Variants in MTARC1 observed in about 807,000 individuals in gnomAD.
The protein encoded by MTARC1 is mitochondrial amidoxime-reducing component 1.
In MTARC1, 24 loss-of-function variants were observed where a neutral mutation model predicts 33.6. That is an observed-to-expected ratio of 0.72 (90% CI 0.52 to 1.01). MTARC1 has a LOEUF of 1.01. MTARC1 is among the 50% of genes least tolerant of loss of function. The pLI is 0.00. For synonymous variants in MTARC1, 187 were observed against 189.5 expected, an observed-to-expected ratio of 0.99 and a Z score of 0.11; for missense variants, 417 against 445.7, an observed-to-expected ratio of 0.94 and a Z score of 0.58.
At chr1:220,808,756 T>A in intron 6 of MTARC1, 1 of 463,594 alleles carries the variant, frequency 2.2e-6, no homozygotes, top group Non-Finnish European at 4.5e-6. Context: ...TACAGAGGCA[T>A]AGGGAAGCCT....
At position 220,813,123 on chromosome 1, in the gene MTARC1, G is replaced by A. The variant is rs76300295; in HGVS notation, c.888-169G>A. Among the ~76,000 whole-genome samples the A allele has an allele frequency of 7.7e-3, 1,172 of 152,276 alleles. 16 individuals carry two copies. The highest frequency in any genetic ancestry group is 0.049 in the East Asian group (252 of 5,180). ...TTATGCTTCTGTCGTTGTTTGCTGG[G>A]CAGGCTGTTCACTGCCCCACTCCAG... On this transcript the variant is annotated intron_variant, in intron 6 of 6. Transcript: ENST00000366910.
At chr1:220,794,512 G>C (rs10779416) in intron 2 of MTARC1, among the ~76,000 whole-genome samples, 49,693 of 151,448 alleles carry the variant, frequency 0.33, 8,878 homozygotes, top group Admixed American at 0.48. Flanking sequence ...TGGAGCTAAA[G>C]CCTGTGAATA....
chr1:220,810,622 C>G (rs1457820619), intron 6 of MTARC1, among the ~76,000 whole-genome samples: 3 of 149,798 alleles, frequency 2.0e-5, no homozygotes, highest in Non-Finnish European at 4.4e-5. Context: ...GGCAGCCGCT[C>G]TTTACGGTCC....
At position 220,801,640 on chromosome 1, in the gene MTARC1, A is replaced by G. The variant is rs1208313956; in HGVS notation, c.754-3412A>G. ...GGCTCAGGAGAGGAGGGGAGCTGAG[A>G]GCACAGGTACTTGGTGTCAGGTTTT... On this transcript the variant is annotated intron_variant, in intron 4 of 6. Transcript: ENST00000366910. Among the ~76,000 whole-genome samples the G allele has an allele frequency of 3.9e-5, 6 of 152,172 alleles. No homozygotes were observed. In the East Asian group the frequency reaches 1.2e-3, roughly 29 times the overall value.
chr1:220,804,232 A>G (rs1672899126), intron 4 of MTARC1, among the ~76,000 whole-genome samples: 1 of 152,034 alleles, frequency 6.6e-6, no homozygotes, highest in South Asian at 2.1e-4. Context: ...CATCTTACCT[A>G]TTCCTTATAA....
chr1:220,788,309 A>T (rs180945993), intron 1 of MTARC1, among the ~76,000 whole-genome samples: 1 of 152,238 alleles, frequency 6.6e-6, no homozygotes, highest in African/African-American at 2.4e-5. Flanking sequence ...CTCGGGTCTT[A>T]TTGTGAGGCT....
intron 6 of MTARC1, chr1:220,808,925 A>G (rs977046245): frequency 1.3e-5 from 6 of 470,936 alleles, no homozygotes; most frequent in Admixed American, 1.2e-4. Context: ...TGTTGCTTCC[A>G]TGACATTTTG....
chr1:220,791,370 C>A, intron 1 of MTARC1, 121 bp from the exon 2 acceptor site: 1 of 1,078,922 alleles, frequency 9.3e-7, no homozygotes, highest in South Asian at 1.6e-5. Context: ...CACTCAAACT[C>A]ACACACACCA....
At chr1:220,808,391 G>A (rs1380939252) in intron 6 of MTARC1, among the ~76,000 whole-genome samples, 1 of 152,204 alleles carries the variant, frequency 6.6e-6, no homozygotes, top group Non-Finnish European at 1.5e-5. Flanking sequence ...GAGACAGTGC[G>A]GCCAGCCTAG....
Position 220,819,194 on chromosome 1 carries a change from T to C in MTARC1, c.*5776T>C, listed in dbSNP as rs926112486. The C allele has an allele frequency of 2.0e-5, 3 of 152,230 alleles. No homozygotes were observed. Among genetic ancestry groups the C allele is most frequent in the African/African-American group, 7.2e-5 (3 of 41,452 alleles). The allele number at this position is 152,230 out of a possible 1,614,324, so 9.4% of individuals were successfully genotyped here. A position where few individuals can be genotyped will look rare whatever the true frequency, so the allele number is the denominator to read the frequency against. ...ATGTGTGCATACTTTAGGAACGTTTTTACCCTTTATGTTGACCTGACATCA... is the reference window on the plus strand; with the variant it reads ...ATGTGTGCATACTTTAGGAACGTTTCTACCCTTTATGTTGACCTGACATCA... On this transcript the variant is annotated 3_prime_UTR_variant, in exon 7 of 7. Transcript: ENST00000366910.
Position 220,811,786 on chromosome 1 carries a change from G to A in MTARC1, c.888-1506G>A, listed in dbSNP as rs148956156. On this transcript the variant is annotated intron_variant, in intron 6 of 6. Coordinates refer to ENST00000366910, the MANE Select transcript of MTARC1 (RefSeq NM_022746.4). ...CCTGCGTCTTCTTTAATTTTCTGCT[G>A]GACAAAAATATTCATATTTATACTG... 2.5e-3 allele frequency among the ~76,000 whole-genome samples: 373 copies of A among 152,212 alleles called. 2 individuals carry two copies. The highest frequency in any genetic ancestry group is 8.4e-3 in the African/African-American group (350 of 41,516).
In MTARC1 at chr1:220,819,497, C is replaced by T. The variant is rs927722911; in HGVS notation, c.*6079C>T. ...TTCCCCCCTCTGATTTTGCATTGGA[C>T]AGATATAAATGTCTTGGGGATGTCA... On this transcript the variant is annotated 3_prime_UTR_variant, in exon 7 of 7. Transcript: ENST00000366910. 6 of 152,234 alleles carry T rather than the reference C, an allele frequency of 3.9e-5. No homozygotes were observed. Among genetic ancestry groups the T allele is most frequent in the African/African-American group, 1.4e-4 (6 of 41,542 alleles). 9.4% of individuals were successfully genotyped at this position (152,234 alleles called of 1,614,324 possible).
rs1417821422 is a variant in MTARC1, at chr1:220,816,005, A to C, written c.*2587A>C. The C allele has an allele frequency of 1.3e-5, 2 of 152,302 alleles. No homozygotes were observed. The highest frequency in any genetic ancestry group is 2.9e-5 in the Non-Finnish European group (2 of 68,084). 9.4% of individuals were successfully genotyped at this position (152,302 alleles called of 1,614,324 possible). ...TTCCAACCGAAAGACGAGGGCAGCA[A>C]CTTATACACACGAAGGCAGAAAGAA... On this transcript the variant is annotated 3_prime_UTR_variant, in exon 7 of 7. Transcript: ENST00000366910.
chr1:220,813,361 G>T lies in MTARC1; in HGVS notation c.957G>T (p.Val319=), dbSNP rs1673198362. Residue 319 remains valine, a synonymous_variant, in exon 7 of 7, where the codon GTG becomes GTT. Coordinates refer to ENST00000366910, the MANE Select transcript of MTARC1 (RefSeq NM_022746.4). Reference sequence around the variant, plus strand: ...CACCACTCTTTGGGCAGTATTTTGTGCTGGAAAACCCAGGGACCATCAAAG... The same window carrying T: ...CACCACTCTTTGGGCAGTATTTTGTTCTGGAAAACCCAGGGACCATCAAAG... The part of the protein sequence containing the change: ...GKSPLFGQYF[V]LENPGTIKVG... The T allele has an allele frequency of 2.5e-6, 4 of 1,614,148 alleles. No individual in the cohort carries two copies. Among genetic ancestry groups the T allele is most frequent in the Non-Finnish European group, 2.5e-6 (3 of 1,180,022 alleles).
At chr1:220,809,106 A>T (rs1051684215) in intron 6 of MTARC1, 1 of 343,796 alleles carries the variant, frequency 2.9e-6, no homozygotes, top group African/African-American at 2.2e-5. Context: ...ACTCCATGGG[A>T]GGAGGCAGAC....
intron 6 of MTARC1, among the ~76,000 whole-genome samples, chr1:220,806,077 G>A (rs886130780): frequency 5.9e-5 from 9 of 152,172 alleles, no homozygotes; most frequent in Non-Finnish European, 5.9e-5. Context: ...TTATGGAAAA[G>A]GGTTATTCTC....
intron 1 of MTARC1, among the ~76,000 whole-genome samples, chr1:220,790,092 G>A (rs1015708717): frequency 4.6e-5 from 7 of 152,116 alleles, no homozygotes; most frequent in Admixed American, 2.6e-4. Flanking sequence ...ATGGACACTC[G>A]GGCTGTTACT....
chr1:220,807,617 A>G (rs1673010131), intron 6 of MTARC1, among the ~76,000 whole-genome samples: 1 of 152,088 alleles, frequency 6.6e-6, no homozygotes. Flanking sequence ...AAACAAATAT[A>G]TATAGTCAAG....
chr1:220,801,332 C>A (rs1403944149), intron 4 of MTARC1, among the ~76,000 whole-genome samples: 1 of 149,062 alleles, frequency 6.7e-6, no homozygotes, highest in East Asian at 2.0e-4. Flanking sequence ...GCTTCACTGA[C>A]CCCGCTCACC....
Sources: allele counts gnomAD v4.1 joint callset (sites outside exome capture counted in the v4.1 genomes callset), GRCh38; gene constraint gnomAD v4.1.1; transcripts MANE v1.5; gene names NCBI Gene and HGNC (gene_info 2026-07-23, HGNC 2026-07-21).